Variants in MAF observed in about 807,000 individuals in gnomAD.
MAF encodes the protein transcription factor Maf.
MAF carries 10 observed loss-of-function variants against 22.0 expected under a neutral mutation model. That is an observed-to-expected ratio of 0.45 (90% CI 0.28 to 0.77). MAF has a LOEUF of 0.77. MAF is among the 30% of genes least tolerant of loss of function. The probability of loss-of-function intolerance (pLI) is 0.12; values close to 1 mark genes in which losing one functional copy is unlikely to be tolerated. For missense variants in MAF, 544 were observed against 548.4 expected (o/e 0.99, Z 0.08); for synonymous variants, 337 against 255.8 (o/e 1.32, Z -3.03).
chr16:79,399,896 A>C, the MAF span, among the ~76,000 whole-genome samples: 7 of 152,202 alleles, frequency 4.6e-5, no homozygotes, highest in African/African-American at 1.7e-4. Context: ...TGGACAATAA[A>C]TTACGTGGCC....
chr16:79,298,373 T>C, the MAF span, among the ~76,000 whole-genome samples: 3 of 152,254 alleles, frequency 2.0e-5, no homozygotes, highest in Admixed American at 6.5e-5. Flanking sequence ...AAGGCTTGAA[T>C]GGTCTAGCAC....
chr16:79,364,537 G>A, the MAF span, among the ~76,000 whole-genome samples: 1 of 152,298 alleles, frequency 6.6e-6, no homozygotes, highest in Non-Finnish European at 1.5e-5. Flanking sequence ...ATCCACTGGG[G>A]ACAGGAAGTC....
chr16:79,278,650 C>T, the MAF span, among the ~76,000 whole-genome samples: 1,271 of 152,028 alleles, frequency 8.4e-3, 13 homozygotes, highest in African/African-American at 0.029. Flanking sequence ...TCCTTGAGTG[C>T]CGGGTTTGGG....
At chr16:79,254,215 T>A in the MAF span, among the ~76,000 whole-genome samples, 470 of 152,256 alleles carry the variant, frequency 3.1e-3, 6 homozygotes, top group Admixed American at 0.023. Context: ...CTACTAAAAA[T>A]TTTTGACATA....
chr16:79,333,273 T>G, the MAF span, among the ~76,000 whole-genome samples: 10 of 152,230 alleles, frequency 6.6e-5, no homozygotes, highest in Non-Finnish European at 1.3e-4. Context: ...CTGTTTGCCT[T>G]TGTGGATCTG....
chr16:79,431,762 A>T, the MAF span, among the ~76,000 whole-genome samples: 1 of 152,224 alleles, frequency 6.6e-6, no homozygotes, highest in Non-Finnish European at 1.5e-5. Flanking sequence ...ACTTTTCTGC[A>T]CAGAGAAACA....
the MAF span, among the ~76,000 whole-genome samples, chr16:79,555,364 G>A: frequency 6.6e-6 from 1 of 152,160 alleles, no homozygotes; most frequent in South Asian, 2.1e-4. Flanking sequence ...TGCATTCAAT[G>A]TCTTTTGATA....
At chr16:79,265,911 A>C in the MAF span, among the ~76,000 whole-genome samples, 14 of 152,240 alleles carry the variant, frequency 9.2e-5, no homozygotes, top group Non-Finnish European at 1.9e-4. Context: ...GATGGCTGCT[A>C]AGTGACTCAC....
At chr16:79,371,665 G>T in the MAF span, among the ~76,000 whole-genome samples, 2 of 152,030 alleles carry the variant, frequency 1.3e-5, no homozygotes, top group Non-Finnish European at 1.5e-5. Flanking sequence ...CCTTCCCATG[G>T]TTAGTTCCTC....
the MAF span, among the ~76,000 whole-genome samples, chr16:79,428,066 C>G: frequency 7.4e-6 from 1 of 135,276 alleles, no homozygotes; most frequent in Non-Finnish European, 1.5e-5. Context: ...CACTCTAGCC[C>G]AGGCGACAGA....
chr16:79,576,352 G>C, the MAF span, among the ~76,000 whole-genome samples: 35 of 151,744 alleles, frequency 2.3e-4, no homozygotes, highest in Non-Finnish European at 4.6e-4. Context: ...CCATGTTCTT[G>C]GAAGTTTGAA....
the MAF span, among the ~76,000 whole-genome samples, chr16:79,324,807 T>C: frequency 1.3e-5 from 2 of 152,342 alleles, no homozygotes; most frequent in South Asian, 4.1e-4. Context: ...ACTTGGTGGC[T>C]TAAAACAACA....
chr16:79,571,508 A>G, the MAF span, among the ~76,000 whole-genome samples: 21 of 150,496 alleles, frequency 1.4e-4, 1 homozygote, highest in East Asian at 2.9e-3. Context: ...AGCATACTAC[A>G]AGAAAAAAAC....
chr16:79,484,277 G>C, the MAF span, among the ~76,000 whole-genome samples: 2 of 152,194 alleles, frequency 1.3e-5, no homozygotes, highest in Non-Finnish European at 2.9e-5. Flanking sequence ...GTGATGACGA[G>C]GCTGGCGTGA....
At chr16:79,289,038 TGTTA>T in the MAF span, among the ~76,000 whole-genome samples, 1 of 152,220 alleles carries the variant, frequency 6.6e-6, no homozygotes, top group East Asian at 1.9e-4. Context: ...CCTGTTTGTT[TGTTA>T]AAGGAGACAG....
chr16:79,397,381 G>A, the MAF span, among the ~76,000 whole-genome samples: 1 of 152,152 alleles, frequency 6.6e-6, no homozygotes, highest in African/African-American at 2.4e-5. Flanking sequence ...GTGTTTATCT[G>A]CCTGTCAAAA....
At chr16:79,460,842 TG>T in the MAF span, among the ~76,000 whole-genome samples, 3 of 152,220 alleles carry the variant, frequency 2.0e-5, no homozygotes, top group African/African-American at 7.2e-5. Context: ...TTATGGTGAG[TG>T]GCTCTTCCTT....
the MAF span, among the ~76,000 whole-genome samples, chr16:79,277,222 C>A: frequency 6.6e-6 from 1 of 152,066 alleles, no homozygotes; most frequent in African/African-American, 2.4e-5. Context: ...TTCGGTGTAA[C>A]CTCATCTTAA....
At chr16:79,498,635 T>C in the MAF span, among the ~76,000 whole-genome samples, 417 of 152,274 alleles carry the variant, frequency 2.7e-3, 6 homozygotes, top group East Asian at 0.013. Flanking sequence ...ATTATGCATA[T>C]AGGAACAGAA....
Sources: allele counts gnomAD v4.1 joint callset (sites outside exome capture counted in the v4.1 genomes callset), GRCh38; gene constraint gnomAD v4.1.1; transcripts MANE v1.5; gene names NCBI Gene and HGNC (gene_info 2026-07-23, HGNC 2026-07-21).